Variants in CLYBL observed in about 807,000 individuals in gnomAD.
CLYBL encodes the protein citramalyl-CoA lyase, mitochondrial.
A neutral mutation model predicts 38.9 loss-of-function variants in CLYBL; 31 were observed. The observed-to-expected ratio is 0.80, with a 90% CI of 0.60 to 1.08. CLYBL has a LOEUF of 1.08. Among genes scored for constraint, CLYBL ranks in the 50% least tolerant of loss-of-function variants. The pLI, the probability that CLYBL is intolerant of heterozygous loss-of-function variation, is 0.00. For missense variants in CLYBL, 434 were observed against 411.6 expected, an observed-to-expected ratio of 1.05 and a Z score of -0.47; for synonymous variants, 171 against 158.6, an observed-to-expected ratio of 1.08 and a Z score of -0.59.
At chr13:99,811,096 A>AC (rs1363581656) in intron 2 of CLYBL, among the ~76,000 whole-genome samples, 1 of 151,896 alleles carries the variant, frequency 6.6e-6, no homozygotes, top group Non-Finnish European at 1.5e-5. Context: ...GCCCATTAGA[A>AC]CCCCCAAAGT....
intron 1 of CLYBL, among the ~76,000 whole-genome samples, chr13:99,724,442 C>T (rs916043156): frequency 6.6e-6 from 1 of 151,828 alleles, no homozygotes; most frequent in South Asian, 2.1e-4. Context: ...AGTATTTTCA[C>T]ACCAGGCAGG....
At chr13:99,824,685 A>G (rs1762302477) in intron 2 of CLYBL, among the ~76,000 whole-genome samples, 3 of 152,060 alleles carry the variant, frequency 2.0e-5, no homozygotes, top group Non-Finnish European at 4.4e-5. Flanking sequence ...CTCAGTCTGC[A>G]CAAGTTTGCA....
At chr13:99,705,994 T>TGC (rs1410481906) in intron 1 of CLYBL, among the ~76,000 whole-genome samples, 2 of 151,936 alleles carry the variant, frequency 1.3e-5, no homozygotes, top group African/African-American at 4.8e-5. Flanking sequence ...TGCAATGGCA[T>TGC]GATCTCGGCT....
At chr13:99,855,419 A>T (rs2051436741) in intron 2 of CLYBL, among the ~76,000 whole-genome samples, 1 of 152,162 alleles carries the variant, frequency 6.6e-6, no homozygotes, top group Admixed American at 6.5e-5. Context: ...AGCTGGGGTC[A>T]GCCAGGCAGC....
At chr13:99,783,078 T>C (rs2049694930) in intron 2 of CLYBL, among the ~76,000 whole-genome samples, 1 of 152,186 alleles carries the variant, frequency 6.6e-6, no homozygotes, top group African/African-American at 2.4e-5. Context: ...AGTCTTGCTC[T>C]GTGGCTCAGG....
At chr13:99,878,532 G>T (rs1397497949) in intron 7 of CLYBL, among the ~76,000 whole-genome samples, 1 of 152,144 alleles carries the variant, frequency 6.6e-6, no homozygotes, top group Non-Finnish European at 1.5e-5. Context: ...AAGATTTCTG[G>T]TTTCAAAAAG....
At chr13:99,727,449 T>A (rs1353306858) in intron 1 of CLYBL, 1 of 151,882 alleles carries the variant, frequency 6.6e-6, no homozygotes, top group Non-Finnish European at 1.5e-5. Context: ...CAGAAGGTCT[T>A]CTCATAAAAT....
At chr13:99,799,896 C>T (rs2050097885) in intron 2 of CLYBL, among the ~76,000 whole-genome samples, 1 of 152,214 alleles carries the variant, frequency 6.6e-6, no homozygotes, top group Non-Finnish European at 1.5e-5. Flanking sequence ...GTCGCGTGCA[C>T]CCACCCAGGG....
intron 1 of CLYBL, among the ~76,000 whole-genome samples, chr13:99,740,556 G>T (rs2048736566): frequency 6.6e-6 from 1 of 152,160 alleles, no homozygotes. Context: ...CTATGTGCCG[G>T]TCTTGCCTTA....
chr13:99,776,547 AATTTT>A (rs1756508076), intron 2 of CLYBL, among the ~76,000 whole-genome samples: 1 of 150,672 alleles, frequency 6.6e-6, no homozygotes, highest in Admixed American at 6.6e-5. Context: ...TCTAGGACTT[AATTTT>A]ATCTGACATA....
At chr13:99,698,432 C>G (rs895818570) in intron 1 of CLYBL, among the ~76,000 whole-genome samples, 5 of 151,934 alleles carry the variant, frequency 3.3e-5, no homozygotes, top group South Asian at 4.2e-4. Flanking sequence ...GGGTCCCCAT[C>G]AGAATTACGT....
chr13:99,623,403 A>G (rs548664459), intron 1 of CLYBL, among the ~76,000 whole-genome samples: 5 of 152,236 alleles, frequency 3.3e-5, no homozygotes, highest in African/African-American at 1.2e-4. Flanking sequence ...TGCATTTATA[A>G]TAAACCCTGG....
At chr13:99,696,927 T>C (rs1429437357) in intron 1 of CLYBL, among the ~76,000 whole-genome samples, 1 of 152,226 alleles carries the variant, frequency 6.6e-6, no homozygotes, top group Non-Finnish European at 1.5e-5. Flanking sequence ...TACAGTTATG[T>C]ATTGTAACAT....
At chr13:99,628,715 T>C (rs995168199) in intron 1 of CLYBL, among the ~76,000 whole-genome samples, 5 of 152,202 alleles carry the variant, frequency 3.3e-5, no homozygotes, top group African/African-American at 1.2e-4. Context: ...CAGTGTGTAA[T>C]AGAGTTTAAA....
chr13:99,899,401 T>A (rs535176408), downstream of CLYBL, among the ~76,000 whole-genome samples: 48 of 152,364 alleles, frequency 3.2e-4, no homozygotes, highest in African/African-American at 1.1e-3. Context: ...TTCCCTGGCA[T>A]CTTGCACCGT....
At chr13:99,701,379 C>G (rs141311906) in intron 1 of CLYBL, among the ~76,000 whole-genome samples, 3,035 of 152,160 alleles carry the variant, frequency 0.02, 58 homozygotes, top group Non-Finnish European at 0.031. Context: ...GGCGGGATCT[C>G]GGCTCACTGC....
intron 1 of CLYBL, among the ~76,000 whole-genome samples, chr13:99,717,535 C>T (rs1013118855): frequency 1.1e-4 from 16 of 151,572 alleles, no homozygotes; most frequent in Non-Finnish European, 2.1e-4. Flanking sequence ...TCTCAGTTCA[C>T]TGCATCCTCT....
intron 1 of CLYBL, among the ~76,000 whole-genome samples, chr13:99,732,175 T>G (rs946221795): frequency 2.7e-5 from 4 of 147,476 alleles, no homozygotes; most frequent in Non-Finnish European, 6.0e-5. Context: ...GGCAGTTTTT[T>G]TTTTTTTTTT....
intron 2 of CLYBL, among the ~76,000 whole-genome samples, chr13:99,794,361 A>G (rs2049979021): frequency 6.6e-6 from 1 of 152,058 alleles, no homozygotes; most frequent in Admixed American, 6.6e-5. Flanking sequence ...TGGAGGTTGC[A>G]GTGAGCCAAG....
Sources: allele counts gnomAD v4.1 joint callset (sites outside exome capture counted in the v4.1 genomes callset), GRCh38; gene constraint gnomAD v4.1.1; transcripts MANE v1.5; gene names NCBI Gene and HGNC (gene_info 2026-07-23, HGNC 2026-07-21).